Variants in GPR141 observed in about 807,000 individuals in gnomAD.
GPR141 encodes the protein G protein-coupled receptor 141.
In GPR141, 6 loss-of-function variants were observed where a neutral mutation model predicts 6.8. The observed-to-expected ratio is 0.88, with a 90% confidence interval of 0.48 to 1.74. The LOEUF (loss-of-function observed/expected upper bound fraction) is 1.74, where lower values mean the gene tolerates loss of function less well. Ranked by LOEUF, GPR141 falls within the 40% of genes most tolerant of loss-of-function variation. GPR141 has a pLI of 0.01. For missense variants in GPR141, 372 were observed against 372.9 expected, an observed-to-expected ratio of 1.00 and a Z score of 0.02; for synonymous variants, 140 against 142.3, an observed-to-expected ratio of 0.98 and a Z score of 0.11.
intron 2 of GPR141, among the ~76,000 whole-genome samples, chr7:37,702,747 TAAATA>T (rs1475278516): frequency 1.6e-5 from 2 of 127,006 alleles, no homozygotes; most frequent in African/African-American, 5.9e-5. Flanking sequence ...AAAAAATAAA[TAAATA>T]AATAAATAAA....
Position 37,688,276 on chromosome 7 carries a change from C to A in GPR141, c.-15+2693C>A, listed in dbSNP as rs139699050. ...TGAACCCCCGTCTCTACTAAAAATA[C>A]AAAAATTGGCTGGGGCATGGTGGTA... On this transcript the variant is annotated intron_variant, in intron 2 of 2. Transcript: ENST00000334425. 5.8e-3 allele frequency among the ~76,000 whole-genome samples: 884 copies of A among 151,898 alleles called. 18 individuals are homozygous for A. The highest frequency in any genetic ancestry group is 0.02 in the African/African-American group (822 of 41,334).
At chr7:37,707,884 C>T (rs1043904752) in intron 2 of GPR141, among the ~76,000 whole-genome samples, 3 of 152,066 alleles carry the variant, frequency 2.0e-5, no homozygotes, top group African/African-American at 4.8e-5. Flanking sequence ...TGCAATGCTA[C>T]GACAGGGTTT....
chr7:37,688,588 G>C (rs1205853279), intron 2 of GPR141, among the ~76,000 whole-genome samples: 1 of 152,174 alleles, frequency 6.6e-6, no homozygotes, highest in Non-Finnish European at 1.5e-5. Context: ...ATGCTACTGA[G>C]ACGCACTCAT....
chr7:37,719,087 T>C (rs1351654194), intron 2 of GPR141, among the ~76,000 whole-genome samples: 1 of 152,364 alleles, frequency 6.6e-6, no homozygotes, highest in East Asian at 1.9e-4. Flanking sequence ...AAAGCTGTGA[T>C]GTGGAGCATG....
At chr7:37,702,235 A>C (rs1416123643) in intron 2 of GPR141, among the ~76,000 whole-genome samples, 1 of 152,096 alleles carries the variant, frequency 6.6e-6, no homozygotes, top group Non-Finnish European at 1.5e-5. Flanking sequence ...ATATTGATAA[A>C]ATGTACATCT....
chr7:37,734,570 G>A (rs1812140334), intron 2 of GPR141, among the ~76,000 whole-genome samples: 1 of 152,182 alleles, frequency 6.6e-6, no homozygotes, highest in African/African-American at 2.4e-5. Flanking sequence ...CCAGCAACCA[G>A]CACCCATTAA....
intron 2 of GPR141, among the ~76,000 whole-genome samples, chr7:37,740,010 G>C (rs1413695151): frequency 6.6e-6 from 1 of 151,996 alleles, no homozygotes; most frequent in South Asian, 2.1e-4. Context: ...TGAATCCATC[G>C]ATCTTTCTAT....
chr7:37,740,058 G>T (rs1397035520), intron 2 of GPR141, among the ~76,000 whole-genome samples: 2 of 152,072 alleles, frequency 1.3e-5, no homozygotes, highest in Non-Finnish European at 2.9e-5. Context: ...TGTAGTACTA[G>T]TATCCAAGTA....
intron 2 of GPR141, among the ~76,000 whole-genome samples, chr7:37,731,305 G>A (rs2131843248): frequency 6.6e-6 from 1 of 152,346 alleles, no homozygotes; most frequent in Admixed American, 6.5e-5. Flanking sequence ...AGGTGGGGAG[G>A]TGATTGTCCA....
At chr7:37,690,291 C>G (rs969900111) in intron 2 of GPR141, among the ~76,000 whole-genome samples, 1 of 152,018 alleles carries the variant, frequency 6.6e-6, no homozygotes, top group Non-Finnish European at 1.5e-5. Flanking sequence ...ATGTAATTCC[C>G]GGCGTTAGAG....
At chr7:37,727,922 G>A (rs1427588819) in intron 2 of GPR141, among the ~76,000 whole-genome samples, 1 of 152,202 alleles carries the variant, frequency 6.6e-6, no homozygotes, top group African/African-American at 2.4e-5. Flanking sequence ...GTAAATATGG[G>A]AATCCTCATG....
chr7:37,725,860 C>A (rs543470244), intron 2 of GPR141, among the ~76,000 whole-genome samples: 134 of 151,388 alleles, frequency 8.9e-4, no homozygotes, highest in Non-Finnish European at 1.6e-3. Context: ...TTCCTTCCTG[C>A]CTCTGTTACT....
intron 2 of GPR141, among the ~76,000 whole-genome samples, chr7:37,732,204 C>T (rs1344236053): frequency 7.3e-6 from 1 of 137,010 alleles, no homozygotes; most frequent in Non-Finnish European, 1.5e-5. Flanking sequence ...AGTGCAGTGG[C>T]GTGATCTCGG....
At chr7:37,697,862 C>G (rs181651122) in intron 2 of GPR141, among the ~76,000 whole-genome samples, 2 of 152,122 alleles carry the variant, frequency 1.3e-5, no homozygotes, top group African/African-American at 4.8e-5. Flanking sequence ...TGGTTAGGAG[C>G]CTGGTTATCT....
chr7:37,732,526 A>G (rs1368587147), intron 2 of GPR141, among the ~76,000 whole-genome samples: 1 of 152,130 alleles, frequency 6.6e-6, no homozygotes, highest in African/African-American at 2.4e-5. Flanking sequence ...AGAGCACCAT[A>G]AAAAAGGAAT....
At chr7:37,723,862 T>C (rs372141028) in intron 2 of GPR141, among the ~76,000 whole-genome samples, 19 of 152,328 alleles carry the variant, frequency 1.2e-4, no homozygotes, top group African/African-American at 4.6e-4. Flanking sequence ...TCCTGGACAA[T>C]GAAAGATTTC....
chr7:37,704,878 G>A (rs1583536756), intron 2 of GPR141, among the ~76,000 whole-genome samples: 1 of 152,200 alleles, frequency 6.6e-6, no homozygotes, highest in African/African-American at 2.4e-5. Context: ...TCATCCATGA[G>A]TTTTTAAAAG....
intron 2 of GPR141, among the ~76,000 whole-genome samples, chr7:37,734,500 G>A (rs1469081602): frequency 3.9e-5 from 6 of 152,152 alleles, no homozygotes; most frequent in African/African-American, 1.4e-4. Flanking sequence ...ATAAAAACAT[G>A]CACAGTCCTT....
intron 2 of GPR141, among the ~76,000 whole-genome samples, chr7:37,707,616 C>G (rs1031763807): frequency 5.3e-5 from 8 of 152,180 alleles, no homozygotes; most frequent in Non-Finnish European, 1.2e-4. Context: ...ACATTATAAT[C>G]ACCCCAATTT....
Sources: gnomAD v4.1 joint callset for allele counts (sites outside exome capture counted in the v4.1 genomes callset) on GRCh38, gnomAD v4.1.1 for gene constraint, MANE v1.5 for transcripts, NCBI Gene and HGNC (gene_info 2026-07-23, HGNC 2026-07-21) for gene names.